Variants in BRD1 observed in about 807,000 individuals in gnomAD.
BRD1 encodes bromodomain containing 1, also known as bromodomain-containing protein 1.
In BRD1, 24 loss-of-function variants were observed where a neutral mutation model predicts 107.7. That is an observed-to-expected ratio of 0.22 (90% CI 0.16 to 0.31). BRD1 has a LOEUF of 0.31. Ranked by LOEUF, BRD1 falls within the 10% of genes least tolerant of loss-of-function variation. The pLI is 1.00. For synonymous variants in BRD1, 744 were observed against 686.1 expected, an observed-to-expected ratio of 1.08 and a Z score of -1.32; for missense variants, 1,279 against 1,638.6, an observed-to-expected ratio of 0.78 and a Z score of 3.79.
At chr22:49,826,236 T>C (rs1385308183) in intron 1 of BRD1, 1 of 985,168 alleles carries the variant, frequency 1.0e-6, no homozygotes. Context: ...AAACCCACTC[T>C]CTCCCAGGGA....
chr22:49,824,602 C>A lies in BRD1; in HGVS notation c.-14-271G>T. 7.8e-7 allele frequency: 1 copy of A among 1,274,240 alleles called. No individual in the cohort carries two copies. The highest frequency in any genetic ancestry group is 3.8e-5 in the East Asian group (1 of 26,578). The allele number at this position is 1,274,240 out of a possible 1,614,324, so 78.9% of individuals were successfully genotyped here. Reference sequence around the variant, plus strand: ...GTCCCTACCACCACACACCAGTCCCCTCTCAGACCACACCAACAGGCTGCG... The same window carrying A: ...GTCCCTACCACCACACACCAGTCCCATCTCAGACCACACCAACAGGCTGCG... On this transcript the variant is annotated intron_variant, in intron 1 of 12. Coordinates refer to ENST00000404760, the MANE Select transcript of BRD1 (RefSeq NM_001304808.3). The surrounding 1 kb of genome is among the most constrained non-coding windows in gnomAD (Gnocchi z 5.9).
chr22:49,826,044 G>T, intron 1 of BRD1: 1 of 425,406 alleles, frequency 2.4e-6, no homozygotes, highest in African/African-American at 2.2e-5. Context: ...GGCCCCGTGA[G>T]CCCTGCAGAG....
intron 6 of BRD1, 118 bp from the exon 7 acceptor site, chr22:49,794,412 C>T (rs906812046): frequency 9.6e-6 from 13 of 1,359,638 alleles, no homozygotes; most frequent in South Asian, 1.4e-5. Flanking sequence ...CTGTTAGCAA[C>T]GAGGCCCAGG....
chr22:49,781,316 G>A (rs2059203309), intron 8 of BRD1, among the ~76,000 whole-genome samples: 1 of 152,180 alleles, frequency 6.6e-6, no homozygotes, highest in Non-Finnish European at 1.5e-5. Flanking sequence ...GTCCCGGGAG[G>A]TCCCCAAAGG....
intron 8 of BRD1, among the ~76,000 whole-genome samples, chr22:49,785,604 G>A (rs938058581): frequency 1.3e-5 from 2 of 152,340 alleles, no homozygotes; most frequent in Admixed American, 6.5e-5. Flanking sequence ...CTGAGTCAAG[G>A]ACATCTATTC....
intron 2 of BRD1, among the ~76,000 whole-genome samples, chr22:49,810,595 G>C (rs931038527): frequency 1.3e-5 from 2 of 152,146 alleles, no homozygotes; most frequent in African/African-American, 4.8e-5. Context: ...AGGGAGTCTA[G>C]TACCCAGAAC....
At chr22:49,800,693 A>G (rs2059624231) in intron 3 of BRD1, among the ~76,000 whole-genome samples, 1 of 152,208 alleles carries the variant, frequency 6.6e-6, no homozygotes, top group South Asian at 2.1e-4. Flanking sequence ...CCAAGGTCCC[A>G]TGACACATGC....
rs115584482 is a variant in BRD1, at chr22:49,780,786, C to T, written c.2858-2973G>A. ...CAGCTGGGAGATGTCCACCATGACC[C>T]GCACCTCAGCACCCCTGCAAGGACC... is the stretch of plus-strand genomic sequence containing the variant. On this transcript the variant is annotated intron_variant, in intron 8 of 12. Coordinates refer to ENST00000404760, the MANE Select transcript of BRD1 (RefSeq NM_001304808.3). Among the ~76,000 whole-genome samples the T allele has an allele frequency of 8.1e-3, 1,229 of 152,332 alleles. 21 individuals are homozygous for T. The highest frequency in any genetic ancestry group is 0.028 in the African/African-American group (1,150 of 41,564).
Position 49,827,823 on chromosome 22 carries a change from C to G in BRD1, c.-341G>C, listed in dbSNP as rs2060162660. The stretch of plus-strand genomic sequence containing the variant: ...GCGGGCGCGGGACGCGGGGCTGGCT[C>G]GGACTCCAGGGCCGGGTCGCTCGCT... On this transcript the variant is annotated 5_prime_UTR_variant, in exon 1 of 13. Transcript: ENST00000404760. Among the ~76,000 whole-genome samples the G allele has an allele frequency of 6.9e-6, 1 of 144,856 alleles. No individual in the cohort carries two copies. The highest frequency in any genetic ancestry group is 1.5e-5 in the Non-Finnish European group (1 of 65,546).
chr22:49,792,422 G>T lies in BRD1; in HGVS notation c.2359+1612C>A, dbSNP rs989046647. On this transcript the variant is annotated intron_variant, in intron 7 of 12. Transcript: ENST00000404760. This position sits in a 1 kb window ranked among gnomAD's most constrained non-coding sequence, Gnocchi z 4.2. ...GCAAAGGCTGCGGGACCAGGCACCAGCCTGGACTCCTGGGCACAATGGGGC... is the reference window on the plus strand; with the variant it reads ...GCAAAGGCTGCGGGACCAGGCACCATCCTGGACTCCTGGGCACAATGGGGC... Among the ~76,000 whole-genome samples, 2 of 152,202 alleles carry T rather than the reference G, an allele frequency of 1.3e-5. No individual in the cohort carries two copies. Among genetic ancestry groups the T allele is most frequent in the Non-Finnish European group, 2.9e-5 (2 of 68,038 alleles).
Position 49,824,704 on chromosome 22 carries a change from G to A in BRD1, c.-14-373C>T. Reference sequence around the variant, plus strand: ...GTTGCAGGACTTTCCCAGCATGCAGGCGGTCCCCCAGGAAGTCCACATACA... The same window carrying A: ...GTTGCAGGACTTTCCCAGCATGCAGACGGTCCCCCAGGAAGTCCACATACA... On this transcript the variant is annotated intron_variant, in intron 1 of 12. Coordinates refer to ENST00000404760, the MANE Select transcript of BRD1 (RefSeq NM_001304808.3). This position sits in a 1 kb window ranked among gnomAD's most constrained non-coding sequence, Gnocchi z 5.9. The A allele has an allele frequency of 9.2e-7, 1 of 1,081,886 alleles. No homozygotes were observed. Among genetic ancestry groups the A allele is most frequent in the Non-Finnish European group, 1.1e-6 (1 of 888,268 alleles). 67.0% of individuals were successfully genotyped at this position (1,081,886 alleles called of 1,614,324 possible).
chr22:49,819,424 A>G (rs2060020261), intron 2 of BRD1, among the ~76,000 whole-genome samples: 1 of 151,884 alleles, frequency 6.6e-6, no homozygotes, highest in Non-Finnish European at 1.5e-5. Context: ...ATGGTGGCAC[A>G]TGCCTGTGGT....
chr22:49,780,477 G>A (rs1211052496), intron 8 of BRD1, among the ~76,000 whole-genome samples: 2 of 152,080 alleles, frequency 1.3e-5, no homozygotes, highest in African/African-American at 4.8e-5. Flanking sequence ...GGCCTGGCGG[G>A]GGTGGGACAG....
chr22:49,813,798 C>A (rs1601719242), intron 2 of BRD1, among the ~76,000 whole-genome samples: 1 of 151,084 alleles, frequency 6.6e-6, no homozygotes, highest in Non-Finnish European at 1.5e-5. Context: ...CATTGCACTC[C>A]AGCCTGGGTG....
intron 1 of BRD1, among the ~76,000 whole-genome samples, chr22:49,825,014 T>C (rs542907968): frequency 2.0e-5 from 3 of 152,196 alleles, no homozygotes; most frequent in Admixed American, 6.5e-5. Context: ...GAGGGGACAG[T>C]CTTGGCCCCT....
chr22:49,775,387 T>C (rs1569078716), intron 12 of BRD1: 2 of 431,822 alleles, frequency 4.6e-6, no homozygotes, highest in East Asian at 7.1e-5. Context: ...GACCCGGTGC[T>C]CAGTGCCCGT....
Position 49,803,391 on chromosome 22 carries a change from C to T in BRD1, c.1524+813G>A, listed in dbSNP as rs973362520. Among the ~76,000 whole-genome samples the T allele has an allele frequency of 1.3e-5, 2 of 152,222 alleles. No individual in the cohort carries two copies. Among genetic ancestry groups the T allele is most frequent in the African/African-American group, 2.4e-5 (1 of 41,440 alleles). ...GAAATTCCAAGAGGCACTCAGGCCA[C>T]GCGACGCCAGCAGCAGACAGCTCTT... On this transcript the variant is annotated intron_variant, in intron 3 of 12. Transcript: ENST00000404760. The surrounding 1 kb of genome is among the most constrained non-coding windows in gnomAD (Gnocchi z 4.4).
At chr22:49,818,441 CAA>C in intron 2 of BRD1, 2 of 1,023,168 alleles carry the variant, frequency 2.0e-6, no homozygotes, top group South Asian at 6.1e-5. Flanking sequence ...ATGCAATAAC[CAA>C]AAAGAGTTAT....
chr22:49,802,180 G>C (rs1480471940), intron 3 of BRD1, among the ~76,000 whole-genome samples: 3 of 147,298 alleles, frequency 2.0e-5, no homozygotes, highest in African/African-American at 7.6e-5. Flanking sequence ...AACATCGCGG[G>C]GGCCGAGACC....
Sources: allele counts gnomAD v4.1 joint callset (sites outside exome capture counted in the v4.1 genomes callset), GRCh38; gene constraint gnomAD v4.1.1; non-coding constraint Gnocchi (gnomAD v3.1); transcripts MANE v1.5; gene names NCBI Gene and HGNC (gene_info 2026-07-23, HGNC 2026-07-21).